Variants in NREP observed in about 807,000 individuals in gnomAD.
NREP encodes neuronal regeneration related protein.
In NREP, 5 loss-of-function variants were observed where a neutral mutation model predicts 8.6. That is an observed-to-expected ratio of 0.58 (90% CI 0.30 to 1.22). The LOEUF (loss-of-function observed/expected upper bound fraction) is 1.22. NREP is among the 50% of genes most tolerant of loss of function. NREP has a pLI of 0.07. For synonymous variants in NREP, 27 were observed against 28.0 expected, an observed-to-expected ratio of 0.96 and a Z score of 0.11; for missense variants, 86 against 82.5, an observed-to-expected ratio of 1.04 and a Z score of -0.17.
chr5:111,971,213 C>G (rs990985983), intron 2 of NREP, among the ~76,000 whole-genome samples: 6 of 152,162 alleles, frequency 3.9e-5, no homozygotes, highest in African/African-American at 1.4e-4. Context: ...TGTTGATGAT[C>G]TACTTCTTTA....
chr5:111,801,768 T>C (rs933614822), intron 2 of NREP, among the ~76,000 whole-genome samples: 9 of 152,232 alleles, frequency 5.9e-5, no homozygotes, highest in Non-Finnish European at 1.0e-4. Flanking sequence ...ATAAAATTTA[T>C]TCTAACTTAA....
chr5:111,876,431 T>G lies in NREP; in HGVS notation c.135+98843A>C, dbSNP rs1300231218. ...GGGGCTCAGAGAAAAGAATAAAGCC[T>G]GGGTACCAATTGATCAACTTTTCCT... On this transcript the variant is annotated intron_variant, in intron 2 of 3. Coordinates refer to the NREP transcript ENST00000395634. Among the ~76,000 whole-genome samples the G allele has an allele frequency of 6.6e-5, 10 of 152,244 alleles. No individual in the cohort carries two copies. The South Asian group carries it at 1.9e-3, about 28-fold the overall frequency.
At chr5:111,908,755 T>G (rs1033799845) in intron 2 of NREP, among the ~76,000 whole-genome samples, 4 of 152,084 alleles carry the variant, frequency 2.6e-5, no homozygotes, top group Non-Finnish European at 4.4e-5. Context: ...ATGTATCTTT[T>G]AGGTAGAATG....
intron 2 of NREP, among the ~76,000 whole-genome samples, chr5:111,812,211 T>A (rs1428996928): frequency 6.6e-6 from 1 of 152,076 alleles, no homozygotes; most frequent in Non-Finnish European, 1.5e-5. Flanking sequence ...TGCTTGAGCC[T>A]GGGAGGTGGA....
chr5:111,748,220 T>C (rs1750129218), intron 2 of NREP, among the ~76,000 whole-genome samples: 1 of 152,200 alleles, frequency 6.6e-6, no homozygotes, highest in Non-Finnish European at 1.5e-5. Context: ...ATTTTTGTAG[T>C]GTGCTTAGAT....
chr5:111,863,367 C>T (rs930417374), intron 2 of NREP, among the ~76,000 whole-genome samples: 1 of 151,852 alleles, frequency 6.6e-6, no homozygotes, highest in Non-Finnish European at 1.5e-5. Context: ...TGGGATATAC[C>T]CATAAATATC....
chr5:111,763,872 C>A (rs925909456), intron 2 of NREP, among the ~76,000 whole-genome samples: 7 of 152,088 alleles, frequency 4.6e-5, no homozygotes, highest in African/African-American at 1.7e-4. Flanking sequence ...TTGAATTTTA[C>A]AATTATAAAT....
chr5:111,758,167 G>A (rs1468411757), upstream of NREP: 1 of 985,566 alleles, frequency 1.0e-6, no homozygotes, highest in Non-Finnish European at 1.2e-6. Context: ...GGGGAAGCCC[G>A]GGGCGGGGAG....
At chr5:111,845,202 A>C (rs1026110606) in intron 2 of NREP, among the ~76,000 whole-genome samples, 1 of 151,792 alleles carries the variant, frequency 6.6e-6, no homozygotes, top group African/African-American at 2.4e-5. Context: ...ATCTGTCTCC[A>C]TACTGCACTG....
At chr5:111,929,608 C>A (rs1035984221) in intron 2 of NREP, among the ~76,000 whole-genome samples, 1 of 152,196 alleles carries the variant, frequency 6.6e-6, no homozygotes, top group African/African-American at 2.4e-5. Context: ...CAAATATGTA[C>A]ATGATTGATG....
intron 2 of NREP, among the ~76,000 whole-genome samples, chr5:111,912,010 G>A (rs970402568): frequency 6.6e-6 from 1 of 152,044 alleles, no homozygotes; most frequent in African/African-American, 2.4e-5. Flanking sequence ...AAGTGCCAAA[G>A]ACAAAATATA....
intron 2 of NREP, among the ~76,000 whole-genome samples, chr5:111,942,831 A>T (rs1349858831): frequency 6.6e-6 from 1 of 152,078 alleles, no homozygotes; most frequent in African/African-American, 2.4e-5. Flanking sequence ...TCATAGTAGT[A>T]GTCAACACTA....
At chr5:111,737,145 A>C (rs546845558) in intron 2 of NREP, among the ~76,000 whole-genome samples, 393 of 152,316 alleles carry the variant, frequency 2.6e-3, no homozygotes, top group African/African-American at 8.4e-3. Context: ...CAGCTCCTTC[A>C]GAAAGTAATC....
chr5:111,925,415 C>G (rs971180658), intron 2 of NREP, among the ~76,000 whole-genome samples: 7 of 152,164 alleles, frequency 4.6e-5, no homozygotes, highest in African/African-American at 1.4e-4. Context: ...CTGTACTTTA[C>G]AGACCTCTAA....
chr5:111,832,652 C>T (rs909933447), intron 2 of NREP, among the ~76,000 whole-genome samples: 2 of 152,174 alleles, frequency 1.3e-5, no homozygotes, highest in Non-Finnish European at 2.9e-5. Flanking sequence ...CATTCTCTAC[C>T]AGATGGTTCT....
chr5:111,804,950 G>T (rs1252020183), intron 2 of NREP, among the ~76,000 whole-genome samples: 9 of 152,140 alleles, frequency 5.9e-5, no homozygotes, highest in Non-Finnish European at 7.4e-5. Flanking sequence ...GCAGTGAGCC[G>T]AGATGGCGCC....
chr5:111,835,551 AAGT>A (rs1338792243), intron 2 of NREP, among the ~76,000 whole-genome samples: 14 of 152,050 alleles, frequency 9.2e-5, no homozygotes, highest in Non-Finnish European at 2.1e-4. Context: ...AGGTAAAACT[AAGT>A]AGACAAAGAA....
chr5:111,905,933 T>A (rs1321836239), intron 2 of NREP, among the ~76,000 whole-genome samples: 1 of 152,082 alleles, frequency 6.6e-6, no homozygotes, highest in African/African-American at 2.4e-5. Context: ...TACATAGTAA[T>A]ATTTATATTG....
At chr5:111,920,239 T>G (rs1160429089) in intron 2 of NREP, among the ~76,000 whole-genome samples, 1 of 152,156 alleles carries the variant, frequency 6.6e-6, no homozygotes. Flanking sequence ...CAGGAAATTG[T>G]GTCTCCCTGG....
Sources: allele counts gnomAD v4.1 joint callset (sites outside exome capture counted in the v4.1 genomes callset), GRCh38; gene constraint gnomAD v4.1.1; transcripts MANE v1.5; gene names NCBI Gene and HGNC (gene_info 2026-07-23, HGNC 2026-07-21).